PHF21B: variants seen among roughly 807,000 people sequenced by gnomAD.
PHF21B encodes the protein PHD finger protein 4.
PHF21B carries 22 observed loss-of-function variants against 62.2 expected under a neutral mutation model. The observed-to-expected ratio is 0.35, with a 90% CI of 0.25 to 0.51. The LOEUF (loss-of-function observed/expected upper bound fraction) is 0.51, where lower values mean the gene tolerates loss of function less well. PHF21B is among the 20% of genes least tolerant of loss of function. The pLI is 0.97. For missense variants in PHF21B, 701 were observed against 707.9 expected (o/e 0.99, Z 0.11); for synonymous variants, 341 against 314.7 (o/e 1.08, Z -0.88).
chr22:44,912,349 G>GA (rs141907654), intron 5 of PHF21B, among the ~76,000 whole-genome samples: 3,938 of 152,258 alleles, frequency 0.026, 172 homozygotes, highest in African/African-American at 0.089. Context: ...AGCCAGGGGT[G>GA]AAATGATATG....
At chr22:44,924,737 G>C (rs1476396290) in intron 2 of PHF21B, among the ~76,000 whole-genome samples, 1 of 152,164 alleles carries the variant, frequency 6.6e-6, no homozygotes, top group Non-Finnish European at 1.5e-5. Flanking sequence ...CCAGTCCATG[G>C]TATTTTTGTT....
At chr22:44,985,804 ACACCATCACCAT>A (rs375151249) in intron 2 of PHF21B, among the ~76,000 whole-genome samples, 3 of 151,980 alleles carry the variant, frequency 2.0e-5, no homozygotes, top group African/African-American at 4.8e-5. Context: ...GTAGCTATCA[ACACCATCACCAT>A]CACCATCACC....
At chr22:44,911,503 A>G (rs942044537) in intron 5 of PHF21B, among the ~76,000 whole-genome samples, 70 of 152,146 alleles carry the variant, frequency 4.6e-4, no homozygotes, top group Middle Eastern at 6.8e-3. Flanking sequence ...TGTCCCAGCC[A>G]CTCCAGCCAT....
chr22:44,985,778 CACT>C (rs1265576282), intron 2 of PHF21B, among the ~76,000 whole-genome samples: 1 of 152,136 alleles, frequency 6.6e-6, no homozygotes, highest in Admixed American at 6.5e-5. Context: ...CCATGACCAC[CACT>C]GATGTTATCA....
At chr22:44,896,391 C>T (rs1009432312) in intron 5 of PHF21B, among the ~76,000 whole-genome samples, 2 of 151,584 alleles carry the variant, frequency 1.3e-5, no homozygotes, top group African/African-American at 4.9e-5. Context: ...CACTAAGGCC[C>T]CTAACTCCAG....
At chr22:44,973,113 C>T (rs533349056) in intron 2 of PHF21B, among the ~76,000 whole-genome samples, 106 of 152,292 alleles carry the variant, frequency 7.0e-4, no homozygotes, top group Non-Finnish European at 5.9e-4. Flanking sequence ...CATCACAGCC[C>T]GGTGGAGTCT....
At chr22:44,948,754 G>C (rs2072130517) in intron 2 of PHF21B, among the ~76,000 whole-genome samples, 1 of 151,940 alleles carries the variant, frequency 6.6e-6, no homozygotes, top group Non-Finnish European at 1.5e-5. Flanking sequence ...TGCTGGACAT[G>C]GAAGCAGGCT....
At chr22:44,891,139 G>A (rs937360339) in intron 8 of PHF21B, among the ~76,000 whole-genome samples, 167 bp downstream of exon 8, 3 of 152,154 alleles carry the variant, frequency 2.0e-5, no homozygotes, top group South Asian at 2.1e-4. Context: ...CAGGAGGAGC[G>A]GGGAGGTGGG....
chr22:44,948,784 A>G (rs550955786), intron 2 of PHF21B, among the ~76,000 whole-genome samples: 2 of 152,270 alleles, frequency 1.3e-5, no homozygotes, highest in Admixed American at 6.5e-5. Flanking sequence ...TCACGTGGCA[A>G]TCTCAGGATA....
At chr22:44,989,603 A>ATT (rs2073010334) in intron 2 of PHF21B, 1 of 100,630 alleles carries the variant, frequency 9.9e-6, no homozygotes, top group African/African-American at 4.0e-5. Context: ...CCACAACTCG[A>ATT]CTTTTTTTTT....
At chr22:44,968,775 CTAA>C (rs1031068042) in intron 2 of PHF21B, among the ~76,000 whole-genome samples, 5 of 151,898 alleles carry the variant, frequency 3.3e-5, no homozygotes, top group African/African-American at 9.7e-5. Context: ...CCAAAATGCT[CTAA>C]TGAGTGCTTC....
chr22:44,956,641 G>C (rs570575494), intron 2 of PHF21B, among the ~76,000 whole-genome samples: 1 of 152,084 alleles, frequency 6.6e-6, no homozygotes, highest in South Asian at 2.1e-4. Context: ...AGACCTCGAG[G>C]GACCCTCCAC....
intron 2 of PHF21B, among the ~76,000 whole-genome samples, chr22:44,978,983 T>C (rs1251793266): frequency 6.6e-6 from 1 of 152,202 alleles, no homozygotes; most frequent in Non-Finnish European, 1.5e-5. Flanking sequence ...GTTCACAGCC[T>C]CACCCCCAGT....
chr22:44,895,674 T>C (rs952649705), intron 6 of PHF21B, among the ~76,000 whole-genome samples: 5 of 152,278 alleles, frequency 3.3e-5, no homozygotes, highest in Admixed American at 6.5e-5. Context: ...GTCATTTCCC[T>C]GTGTTGAGAG....
chr22:44,934,873 G>A lies in PHF21B; in HGVS notation c.121-14383C>T, dbSNP rs561146957. Among the ~76,000 whole-genome samples, 38 of 152,284 alleles carry A rather than the reference G, an allele frequency of 2.5e-4. No homozygotes were observed. In the South Asian group the frequency reaches 5.8e-3, roughly 23 times the overall value. On this transcript the variant is annotated intron_variant, in intron 2 of 12. Transcript: ENST00000313237. ...CTGGCTGCTTAACTCCAGACCCACCGAAAGCTCAGCAGGCCCCACCAGGCC... is the reference window on the plus strand; with the variant it reads ...CTGGCTGCTTAACTCCAGACCCACCAAAAGCTCAGCAGGCCCCACCAGGCC...
chr22:44,914,030 G>A lies in PHF21B; in HGVS notation c.623C>T (p.Pro208Leu). Residue 208 changes from proline to leucine, a missense_variant, in exon 5 of 13, where the codon CCC becomes CTC. By Grantham distance (98) the Pro-to-Leu change is moderately conservative. Transcript: ENST00000313237. The stretch of plus-strand genomic sequence containing the variant: ...GGGAGGGGTGAGGGGAAGAGAGGAG[G>A]GGTGGAGGGGACAGTGATGGGTTGC... ...HPATHHCPLH[P>L]SSLPLTPPSP... 1 of 1,398,288 alleles carries A rather than the reference G, an allele frequency of 7.2e-7. No homozygotes were observed. Among genetic ancestry groups the A allele is most frequent in the Non-Finnish European group, 1.0e-6 (1 of 994,016 alleles). 86.6% of individuals were successfully genotyped at this position (1,398,288 alleles called of 1,614,324 possible).
chr22:44,978,401 C>T (rs1316772018), intron 2 of PHF21B, among the ~76,000 whole-genome samples: 1 of 152,136 alleles, frequency 6.6e-6, no homozygotes, highest in African/African-American at 2.4e-5. Context: ...CCTGCGATGC[C>T]CAGGCTGGAG....
chr22:44,895,337 CAT>C (rs1569212093), intron 6 of PHF21B, among the ~76,000 whole-genome samples: 1 of 152,176 alleles, frequency 6.6e-6, no homozygotes, highest in African/African-American at 2.4e-5. Context: ...TTGCCCTCAT[CAT>C]TCTACGATGA....
At chr22:44,933,199 C>T (rs2071777035) in intron 2 of PHF21B, among the ~76,000 whole-genome samples, 1 of 151,328 alleles carries the variant, frequency 6.6e-6, no homozygotes, top group African/African-American at 2.4e-5. Flanking sequence ...GCAACTTCTG[C>T]CTCCTGGGTT....
Sources: allele counts gnomAD v4.1 joint callset (sites outside exome capture counted in the v4.1 genomes callset), GRCh38; gene constraint gnomAD v4.1.1; transcripts MANE v1.5; gene names NCBI Gene and HGNC (gene_info 2026-07-23, HGNC 2026-07-21).